Variants in ZFYVE16 observed in about 807,000 individuals in gnomAD.
The protein encoded by ZFYVE16 is zinc finger FYVE-type containing 16.
A neutral mutation model predicts 138.1 loss-of-function variants in ZFYVE16; 89 were observed. The observed-to-expected ratio is 0.64, with a 90% CI of 0.54 to 0.77. The LOEUF (loss-of-function observed/expected upper bound fraction) is 0.77. Among genes scored for constraint, ZFYVE16 ranks in the 30% least tolerant of loss-of-function variants. The pLI, the probability that ZFYVE16 is intolerant of heterozygous loss-of-function variation, is 0.00. For synonymous variants in ZFYVE16, 596 were observed against 618.3 expected (o/e 0.96, Z 0.53); for missense variants, 1,793 against 1,786.7 (o/e 1.00, Z -0.06).
At chr5:80,464,041 A>G (rs921764389) in intron 15 of ZFYVE16, among the ~76,000 whole-genome samples, 14 of 152,110 alleles carry the variant, frequency 9.2e-5, no homozygotes, top group African/African-American at 2.7e-4. Flanking sequence ...GAAGTTTCAA[A>G]CTTTCCCACA....
intron 1 of ZFYVE16, among the ~76,000 whole-genome samples, chr5:80,426,260 GT>G (rs1561245966): frequency 2.6e-3 from 140 of 54,730 alleles, no homozygotes; most frequent in African/African-American, 6.1e-3. Context: ...GTGTGTGTGT[GT>G]GTGTGTGTGT....
chr5:80,416,468 A>G (rs1029772106), intron 1 of ZFYVE16, among the ~76,000 whole-genome samples: 3 of 151,006 alleles, frequency 2.0e-5, no homozygotes, highest in Admixed American at 6.6e-5. Context: ...GTTGGCCAGG[A>G]TGGTCTCGAT....
At chr5:80,431,172 T>C (rs1171062145) in intron 2 of ZFYVE16, among the ~76,000 whole-genome samples, 2 of 152,034 alleles carry the variant, frequency 1.3e-5, no homozygotes, top group East Asian at 3.9e-4. Context: ...TGATGAACAT[T>C]GCTGCAAAAA....
intron 2 of ZFYVE16, among the ~76,000 whole-genome samples, chr5:80,432,521 C>T (rs1749214150): frequency 6.6e-6 from 1 of 152,138 alleles, no homozygotes; most frequent in Admixed American, 6.5e-5. Context: ...AGGACATAGG[C>T]ATGGGCAAGG....
chr5:80,443,917 A>G (rs1259511451), intron 6 of ZFYVE16: 6 of 451,194 alleles, frequency 1.3e-5, no homozygotes, highest in African/African-American at 4.0e-5. Flanking sequence ...TTGAGAGGCA[A>G]TAGGTAAATA....
At position 80,457,062 on chromosome 5, in the gene ZFYVE16, G is replaced by A. The variant is rs1181498385; in HGVS notation, c.3913G>A (p.Ala1305Thr). 1 of 1,612,074 alleles carries A rather than the reference G, an allele frequency of 6.2e-7. No individual in the cohort carries two copies. Among genetic ancestry groups the A allele is most frequent in the South Asian group, 1.1e-5 (1 of 90,442 alleles). ...IQNDGIYETQANSATGHPRKV... is the reference protein window; with the variant it reads ...IQNDGIYETQTNSATGHPRKV... ...GAATGATGGAATTTATGAAACACAG[G>A]CCAACAGTGCCACTGGCCATCCTAG... The change falls in exon 14 of 19, where the codon GCC (alanine) becomes ACC (threonine). Residue 1305 changes from alanine (A) to threonine (T), a missense_variant. Around this residue, in one of 2 missense-constraint regions of ZFYVE16, gnomAD observed 498 missense variants for 582.4 expected, o/e 0.86. Transcript: ENST00000505560.
chr5:80,457,138 T>G, intron 14 of ZFYVE16, 46 bp downstream of exon 14: 1 of 1,590,842 alleles, frequency 6.3e-7, no homozygotes, highest in South Asian at 1.2e-5. Context: ...CCACCTCAAT[T>G]AATAGAATTC....
chr5:80,438,847 C>T lies in ZFYVE16; in HGVS notation c.2162C>T (p.Ala721Val), dbSNP rs763826025. ...GAAGGTGGATCTAGTTTCGTAACTG[C>T]AAATGAAGATTCTGTACCTGAAAAC... ...NSEGGSSFVT[A>V]NEDSVPENTC... The change falls in exon 4 of 19, where the codon GCA (alanine) becomes GTA (valine). Residue 721 changes from alanine (A) to valine (V), a missense_variant. Ala to Val is a moderately conservative substitution (Grantham distance 64, BLOSUM62 0). Transcript: ENST00000505560. The T allele has an allele frequency of 6.2e-7, 1 of 1,614,048 alleles. No individual in the cohort carries two copies. The highest frequency in any genetic ancestry group is 8.5e-7 in the Non-Finnish European group (1 of 1,179,962).
rs1309627349 is a variant in ZFYVE16 at position 80,479,207 on chromosome 5, T to A, written c.*1830T>A. The A allele has an allele frequency of 2.0e-5, 3 of 152,202 alleles. No homozygotes were observed. Among genetic ancestry groups the A allele is most frequent in the Non-Finnish European group, 4.4e-5 (3 of 68,016 alleles). The allele number at this position is 152,202 out of a possible 1,614,324, so 9.4% of individuals were successfully genotyped here. A position where few individuals can be genotyped will look rare whatever the true frequency, so the allele number is the denominator to read the frequency against. On this transcript the variant is annotated 3_prime_UTR_variant, in exon 19 of 19. Coordinates refer to ENST00000505560, the MANE Select transcript of ZFYVE16 (RefSeq NM_001284236.3). Reference sequence around the variant, plus strand: ...ACTTATTTGGTCATTGGTACTTAATTTGAAATTTTAATTTTTTAAGAGAAG... The same window carrying A: ...ACTTATTTGGTCATTGGTACTTAATATGAAATTTTAATTTTTTAAGAGAAG...
intron 5 of ZFYVE16, among the ~76,000 whole-genome samples, chr5:80,442,500 G>A (rs533518748): frequency 3.0e-4 from 45 of 152,320 alleles, no homozygotes; most frequent in African/African-American, 9.6e-4. Context: ...TAATGAAGCC[G>A]TGTGAGTACG....
At chr5:80,428,114 C>T (rs1047663172) in intron 2 of ZFYVE16, among the ~76,000 whole-genome samples, 5 of 151,736 alleles carry the variant, frequency 3.3e-5, no homozygotes, top group Non-Finnish European at 5.9e-5. Context: ...AGCAGCGGTT[C>T]TCCCAGCACG....
At chr5:80,429,878 A>G (rs1162482279) in intron 2 of ZFYVE16, among the ~76,000 whole-genome samples, 1 of 152,250 alleles carries the variant, frequency 6.6e-6, no homozygotes, top group Non-Finnish European at 1.5e-5. Flanking sequence ...CAATTCAACA[A>G]GAAGAGCTCA....
At chr5:80,430,243 C>G (rs550980655) in intron 2 of ZFYVE16, among the ~76,000 whole-genome samples, 2 of 152,212 alleles carry the variant, frequency 1.3e-5, no homozygotes, top group East Asian at 1.9e-4. Context: ...AACTGTCTCT[C>G]AGACCACAGT....
chr5:80,435,909 CACTT>C, intron 3 of ZFYVE16: 1 of 207,868 alleles, frequency 4.8e-6, no homozygotes, highest in South Asian at 4.9e-5. Flanking sequence ...GAATTTTTAT[CACTT>C]TATGATATCT....
At chr5:80,475,407 T>G (rs1449101031) in intron 18 of ZFYVE16, among the ~76,000 whole-genome samples, 1 of 152,224 alleles carries the variant, frequency 6.6e-6, no homozygotes, top group East Asian at 1.9e-4. Context: ...CAGACTACAA[T>G]GTAAATGGTT....
upstream of ZFYVE16, chr5:80,407,966 G>A (rs1744834563): frequency 6.6e-6 from 1 of 152,392 alleles, no homozygotes; most frequent in Non-Finnish European, 1.5e-5. Flanking sequence ...GATGCCGAGG[G>A]AGGGGGCGTG....
intron 2 of ZFYVE16, among the ~76,000 whole-genome samples, chr5:80,428,525 T>C (rs939156958): frequency 2.0e-5 from 3 of 152,136 alleles, no homozygotes; most frequent in Admixed American, 6.5e-5. Context: ...GCAGAAAAGC[T>C]GAAAATTCTA....
chr5:80,446,407 A>C (rs986959345), intron 7 of ZFYVE16, among the ~76,000 whole-genome samples: 3 of 152,170 alleles, frequency 2.0e-5, no homozygotes, highest in African/African-American at 7.2e-5. Flanking sequence ...TAGCAGAAAT[A>C]ATATTTTATG....
intron 15 of ZFYVE16, among the ~76,000 whole-genome samples, chr5:80,463,951 A>T (rs1296913923): frequency 6.6e-6 from 1 of 152,140 alleles, no homozygotes; most frequent in Non-Finnish European, 1.5e-5. Flanking sequence ...CCTCATCTCC[A>T]TCTGAGATCA....
Sources: gnomAD v4.1 joint callset for allele counts (sites outside exome capture counted in the v4.1 genomes callset) on GRCh38, gnomAD v4.1.1 for gene constraint, gnomAD v4.1.1 regional missense constraint, MANE v1.5 for transcripts, NCBI Gene and HGNC (gene_info 2026-07-23, HGNC 2026-07-21) for gene names.